USP32: variants seen among roughly 807,000 people sequenced by gnomAD.
USP32 encodes ubiquitin specific peptidase 32, also known as ubiquitin carboxyl-terminal hydrolase 32.
USP32 carries 59 observed loss-of-function variants against 204.8 expected under a neutral mutation model. The ratio of observed to expected loss-of-function variants is 0.29; its 90% CI spans 0.23 to 0.36. The LOEUF is 0.36. Ranked by LOEUF, USP32 falls within the 10% of genes least tolerant of loss-of-function variation. The pLI, the probability that USP32 is intolerant of heterozygous loss-of-function variation, is 1.00. For missense variants in USP32, 1,160 were observed against 1,946.4 expected (o/e 0.60, Z 7.60); for synonymous variants, 517 against 678.4 (o/e 0.76, Z 3.70).
chr17:60,179,985 C>T (rs914422914), intron 33 of USP32, among the ~76,000 whole-genome samples: 6 of 151,286 alleles, frequency 4.0e-5, no homozygotes, highest in African/African-American at 1.5e-4. Flanking sequence ...CCATCAAATT[C>T]TAACAGTCTA....
chr17:60,413,861 C>CA (rs1307789444), intron 1 of USP32, among the ~76,000 whole-genome samples: 471 of 30,972 alleles, frequency 0.015, 2 homozygotes, highest in African/African-American at 0.023. Flanking sequence ...GATTCTGTCT[C>CA]AAAAAAAAAA....
chr17:60,184,477 T>A (rs550193161), intron 30 of USP32, among the ~76,000 whole-genome samples: 2 of 152,172 alleles, frequency 1.3e-5, no homozygotes, highest in East Asian at 3.9e-4. Context: ...AAACCTACAT[T>A]CAGCTTCACA....
chr17:60,280,498 G>C (rs2086943470), intron 5 of USP32, among the ~76,000 whole-genome samples: 1 of 152,156 alleles, frequency 6.6e-6, no homozygotes, highest in Non-Finnish European at 1.5e-5. Flanking sequence ...ATTAAACGTG[G>C]CAGTGTGTTC....
chr17:60,317,514 TA>T (rs368825449), intron 2 of USP32, among the ~76,000 whole-genome samples: 558 of 109,582 alleles, frequency 5.1e-3, no homozygotes, highest in South Asian at 0.013. Context: ...AGACCCTGTC[TA>T]AAAAAAAAAA....
intron 7 of USP32, among the ~76,000 whole-genome samples, chr17:60,269,152 G>A (rs1275801138): frequency 2.0e-5 from 3 of 152,074 alleles, no homozygotes; most frequent in Non-Finnish European, 4.4e-5. Flanking sequence ...TTTCCTAAAT[G>A]TTTAAAATTT....
chr17:60,377,113 T>C (rs2089560365), intron 1 of USP32, among the ~76,000 whole-genome samples: 1 of 152,132 alleles, frequency 6.6e-6, no homozygotes, highest in Non-Finnish European at 1.5e-5. Flanking sequence ...TCTCTATATA[T>C]ATGCCCATTA....
At position 60,336,246 on chromosome 17, in the gene USP32, T is replaced by C. The variant is rs145365507; in HGVS notation, c.186+9235A>G. ...TTCTATTGTGAACTCTGTTTTTCAA[T>C]AGCTTATGAAGCTGTTTAAATTTGC... On this transcript the variant is annotated intron_variant, in intron 2 of 33. Coordinates refer to ENST00000300896, the MANE Select transcript of USP32 (RefSeq NM_032582.4). Among the ~76,000 whole-genome samples, 141 of 143,220 alleles carry C rather than the reference T, an allele frequency of 9.8e-4. 38 individuals are homozygous for C. Among genetic ancestry groups the C allele is most frequent in the African/African-American group, 4.1e-3 (137 of 33,624 alleles). 94.0% of individuals were successfully genotyped at this position (143,220 alleles called of 152,430 possible).
rs757344444 is a variant in USP32, at chr17:60,391,876, C to A, written c.58+6G>T. ...AGGCAGCTCGCCCAGACCCCTCCCC[C>A]CTCACCTCTCCTCAGCGCCTCCTCG... is the stretch of plus-strand genomic sequence containing the variant. On this transcript the variant is annotated splice_donor_region_variant and intron_variant, in intron 1 of 33. Coordinates refer to ENST00000300896, the MANE Select transcript of USP32 (RefSeq NM_032582.4). The A allele has an allele frequency of 3.7e-6, 6 of 1,610,250 alleles. No homozygotes were observed. The highest frequency in any genetic ancestry group is 3.4e-5 in the Admixed American group (2 of 59,380).
intron 1 of USP32, among the ~76,000 whole-genome samples, chr17:60,411,739 T>A (rs979793712): frequency 2.6e-5 from 4 of 152,046 alleles, no homozygotes; most frequent in African/African-American, 7.2e-5. Flanking sequence ...TGGAATTATA[T>A]ATTTGTTCAT....
chr17:60,260,798 C>T (rs73324929), intron 9 of USP32, among the ~76,000 whole-genome samples: 5,310 of 152,060 alleles, frequency 0.035, 320 homozygotes, highest in African/African-American at 0.12. Context: ...AACACACACA[C>T]AATACATATA....
intron 1 of USP32, among the ~76,000 whole-genome samples, chr17:60,360,866 C>A (rs976113785): frequency 1.3e-5 from 2 of 151,382 alleles, no homozygotes; most frequent in Non-Finnish European, 3.0e-5. Flanking sequence ...CGGTGGCTCA[C>A]ACCTATAATC....
At chr17:60,269,068 T>C (rs1191659892) in intron 7 of USP32, among the ~76,000 whole-genome samples, 1 of 152,216 alleles carries the variant, frequency 6.6e-6, no homozygotes, top group African/African-American at 2.4e-5. Context: ...CAATGAAATA[T>C]TAATCTGTGC....
At chr17:60,344,358 G>A (rs1255807181) in intron 2 of USP32, among the ~76,000 whole-genome samples, 3 of 152,056 alleles carry the variant, frequency 2.0e-5, no homozygotes, top group African/African-American at 7.2e-5. Context: ...TCGAATTCCT[G>A]ACCTCGTGAT....
chr17:60,248,624 T>C (rs980486986), intron 11 of USP32, among the ~76,000 whole-genome samples: 1 of 152,230 alleles, frequency 6.6e-6, no homozygotes, highest in Non-Finnish European at 1.5e-5. Context: ...TCAACTCAAA[T>C]CTGCTAGAAT....
At chr17:60,332,617 C>T (rs1046220542) in intron 2 of USP32, among the ~76,000 whole-genome samples, 2 of 152,170 alleles carry the variant, frequency 1.3e-5, no homozygotes, top group African/African-American at 4.8e-5. Context: ...CATTGCACTC[C>T]AGCCTGGGCA....
intron 11 of USP32, among the ~76,000 whole-genome samples, chr17:60,239,663 T>C (rs1368606373): frequency 6.6e-6 from 1 of 152,200 alleles, no homozygotes; most frequent in Admixed American, 6.5e-5. Context: ...GTTTGGTTCC[T>C]TTTTATACTT....
intron 26 of USP32, among the ~76,000 whole-genome samples, chr17:60,203,843 G>GTAA (rs1178239935): frequency 6.6e-6 from 1 of 152,144 alleles, no homozygotes; most frequent in Non-Finnish European, 1.5e-5. Context: ...CCAAAGTGCT[G>GTAA]GGATTACAGG....
At chr17:60,369,779 G>C (rs1379558758) in intron 1 of USP32, among the ~76,000 whole-genome samples, 2 of 152,034 alleles carry the variant, frequency 1.3e-5, no homozygotes, top group Non-Finnish European at 2.9e-5. Context: ...GGTTCTTGCT[G>C]TCACCCAGGC....
At chr17:60,350,687 ATCT>A (rs1296035478) in intron 1 of USP32, among the ~76,000 whole-genome samples, 1 of 151,792 alleles carries the variant, frequency 6.6e-6, no homozygotes, top group Non-Finnish European at 1.5e-5. Flanking sequence ...CTTTTCTTAA[ATCT>A]TCTCTCTCTC....
Sources: gnomAD v4.1 joint callset for allele counts (sites outside exome capture counted in the v4.1 genomes callset) on GRCh38, gnomAD v4.1.1 for gene constraint, MANE v1.5 for transcripts, NCBI Gene and HGNC (gene_info 2026-07-23, HGNC 2026-07-21) for gene names.